Variants in GRHL2 observed in about 807,000 individuals in gnomAD.
The protein encoded by GRHL2 is grainyhead-like protein 2 homolog.
GRHL2 carries 21 observed loss-of-function variants against 83.8 expected under a neutral mutation model. The observed-to-expected ratio is 0.25, with a 90% CI of 0.18 to 0.36. The LOEUF (loss-of-function observed/expected upper bound fraction) is 0.36, where lower values mean the gene tolerates loss of function less well. GRHL2 is among the 10% of genes least tolerant of loss of function. The pLI is 1.00. For missense variants in GRHL2, 623 were observed against 781.8 expected, an observed-to-expected ratio of 0.80 and a Z score of 2.42; for synonymous variants, 280 against 278.9, an observed-to-expected ratio of 1.00 and a Z score of -0.04.
chr8:101,616,095 TTTC>T (rs869040090), intron 8 of GRHL2, among the ~76,000 whole-genome samples: 75 of 144,628 alleles, frequency 5.2e-4, no homozygotes, highest in African/African-American at 1.6e-3. Flanking sequence ...TTTCTCTTTC[TTTC>T]TTCTTTCTTT....
chr8:101,621,317 G>C (rs1037796851), intron 9 of GRHL2, among the ~76,000 whole-genome samples: 2 of 151,978 alleles, frequency 1.3e-5, no homozygotes, highest in Non-Finnish European at 2.9e-5. Flanking sequence ...ATGAAATTAA[G>C]GAAATAATGG....
intron 5 of GRHL2, among the ~76,000 whole-genome samples, chr8:101,572,735 G>A (rs907756676): frequency 6.6e-6 from 1 of 152,170 alleles, no homozygotes; most frequent in South Asian, 2.1e-4. Context: ...CATACCTGTT[G>A]TGTTATTTTA....
intron 1 of GRHL2, among the ~76,000 whole-genome samples, chr8:101,512,309 CG>C (rs1451111169): frequency 1.3e-5 from 2 of 152,034 alleles, no homozygotes; most frequent in African/African-American, 4.8e-5. Context: ...AAAACAAATA[CG>C]TTTTGCTCTA....
chr8:101,659,996 CTT>C (rs1057389770), intron 14 of GRHL2, among the ~76,000 whole-genome samples: 2 of 149,814 alleles, frequency 1.3e-5, no homozygotes, highest in East Asian at 2.0e-4. Flanking sequence ...TTTCTGGAAA[CTT>C]TTTTTTTTAC....
chr8:101,559,612 T>C (rs961555237), intron 4 of GRHL2, among the ~76,000 whole-genome samples: 23 of 152,162 alleles, frequency 1.5e-4, no homozygotes, highest in African/African-American at 5.6e-4. Flanking sequence ...GCGTTATCAA[T>C]AATCAAGTGT....
chr8:101,611,062 C>T (rs1812739864), intron 8 of GRHL2, among the ~76,000 whole-genome samples: 1 of 150,842 alleles, frequency 6.6e-6, no homozygotes, highest in Non-Finnish European at 1.5e-5. Context: ...ACTTCCTTGT[C>T]CTTGGTCAGG....
intron 5 of GRHL2, among the ~76,000 whole-genome samples, chr8:101,570,955 T>A (rs1454666183): frequency 6.6e-6 from 1 of 152,196 alleles, no homozygotes; most frequent in African/African-American, 2.4e-5. Flanking sequence ...CAACACTTCT[T>A]TTTTATTCCA....
At chr8:101,508,303 A>G (rs964972948) in intron 1 of GRHL2, among the ~76,000 whole-genome samples, 2 of 151,778 alleles carry the variant, frequency 1.3e-5, no homozygotes, top group African/African-American at 4.8e-5. Context: ...AACAATGCAT[A>G]TTATAATCCT....
intron 9 of GRHL2, among the ~76,000 whole-genome samples, chr8:101,620,125 C>T (rs768603936): frequency 6.6e-6 from 1 of 152,150 alleles, no homozygotes; most frequent in Non-Finnish European, 1.5e-5. Context: ...CCTCACATGG[C>T]ATAGAGAGAG....
intron 14 of GRHL2, among the ~76,000 whole-genome samples, chr8:101,662,814 C>G (rs2129760672): frequency 6.6e-6 from 1 of 151,148 alleles, no homozygotes; most frequent in African/African-American, 2.4e-5. Context: ...AGTGGTAGTC[C>G]CTGCTAATAT....
At position 101,666,821 on chromosome 8, in the gene GRHL2, A is replaced by G. The variant is rs1814074307; in HGVS notation, c.*118A>G. On this transcript the variant is annotated 3_prime_UTR_variant, in exon 16 of 16. Coordinates refer to ENST00000646743, the MANE Select transcript of GRHL2 (RefSeq NM_024915.4). ...TCCCCCATCTCACAACTGCTGTTACAAGACCGTGCTGGGGAGTGGGGCAAG... is the reference window on the plus strand; with the variant it reads ...TCCCCCATCTCACAACTGCTGTTACGAGACCGTGCTGGGGAGTGGGGCAAG... 4.1e-6 allele frequency: 3 copies of G among 735,204 alleles called. No individual in the cohort carries two copies. The highest frequency in any genetic ancestry group is 5.3e-5 in the East Asian group (2 of 37,758). The allele number at this position is 735,204 out of a possible 1,614,324, so 45.5% of individuals were successfully genotyped here. A position where few individuals can be genotyped will look rare whatever the true frequency, so the allele number is the denominator to read the frequency against.
At chr8:101,496,288 GTC>G (rs78481884) in intron 1 of GRHL2, among the ~76,000 whole-genome samples, 7,761 of 152,068 alleles carry the variant, frequency 0.051, 386 homozygotes, top group African/African-American at 0.12. Flanking sequence ...GAAGTTATAG[GTC>G]TCTCATGTGG....
At chr8:101,678,552 G>A in the GRHL2 span, among the ~76,000 whole-genome samples, 44 of 152,034 alleles carry the variant, frequency 2.9e-4, no homozygotes, top group East Asian at 2.9e-3. Flanking sequence ...CAAAGCAGCC[G>A]GGAAGCTCGA....
At chr8:101,671,137 G>C (rs572394608), downstream of GRHL2, among the ~76,000 whole-genome samples, 1 of 152,164 alleles carries the variant, frequency 6.6e-6, no homozygotes, top group Admixed American at 6.5e-5. Context: ...CTGAGGTACC[G>C]GGTTCATCTC....
At chr8:101,652,438 G>GGTTGTGGT (rs1554596844) in intron 14 of GRHL2, among the ~76,000 whole-genome samples, 5 of 65,388 alleles carry the variant, frequency 7.6e-5, no homozygotes, top group Non-Finnish European at 1.3e-4. Context: ...GTGTGTGTCT[G>GGTTGTGGT]GTGTGTGTGG....
At chr8:101,679,487 T>C in the GRHL2 span, among the ~76,000 whole-genome samples, 6 of 149,374 alleles carry the variant, frequency 4.0e-5, no homozygotes, top group East Asian at 2.0e-4. Flanking sequence ...TGGAACCAAG[T>C]TGGAAAACAC....
At chr8:101,588,095 C>A (rs901538618) in intron 7 of GRHL2, among the ~76,000 whole-genome samples, 1 of 152,194 alleles carries the variant, frequency 6.6e-6, no homozygotes, top group Non-Finnish European at 1.5e-5. Context: ...TTTGGAAAGA[C>A]ATGTGTTGAA....
intron 1 of GRHL2, among the ~76,000 whole-genome samples, chr8:101,515,612 G>A (rs471757): frequency 0.51 from 76,854 of 151,932 alleles, 20,266 homozygotes; most frequent in South Asian, 0.6. Flanking sequence ...CCTTTCTCCC[G>A]TGAGGCATGC....
At chr8:101,521,400 T>C (rs1810680386) in intron 1 of GRHL2, among the ~76,000 whole-genome samples, 1 of 152,222 alleles carries the variant, frequency 6.6e-6, no homozygotes, top group Admixed American at 6.5e-5. Context: ...ACAGGATCTT[T>C]GGCCCATGAT....
Sources: allele counts gnomAD v4.1 joint callset (sites outside exome capture counted in the v4.1 genomes callset), GRCh38; gene constraint gnomAD v4.1.1; transcripts MANE v1.5; gene names NCBI Gene and HGNC (gene_info 2026-07-23, HGNC 2026-07-21).